Variants in USP15 observed in about 807,000 individuals in gnomAD.
USP15 encodes the protein ubiquitin carboxyl-terminal hydrolase 15.
A neutral mutation model predicts 127.1 loss-of-function variants in USP15; 18 were observed. The ratio of observed to expected loss-of-function variants is 0.14; its 90% CI spans 0.10 to 0.21. USP15 has a LOEUF of 0.21. Ranked by LOEUF, USP15 falls within the 10% of genes least tolerant of loss-of-function variation. The pLI, the probability that USP15 is intolerant of heterozygous loss-of-function variation, is 1.00. For synonymous variants in USP15, 364 were observed against 393.7 expected (o/e 0.92, Z 0.89); for missense variants, 805 against 1,159.9 (o/e 0.69, Z 4.44).
intron 1 of USP15, chr12:62,274,413 C>T (rs1298221820): frequency 3.0e-5 from 1 of 32,934 alleles, no homozygotes; most frequent in East Asian, 5.2e-4. Flanking sequence ...TACAAATCAG[C>T]AACAACAAAA....
In USP15 at chr12:62,409,524, C is replaced by T. The variant is rs1230086564; in HGVS notation, c.*5149C>T. ...TTGTATTGGTAATTTACTATGTTCT[C>T]CTGTAGAAAATCATAATTAAAGTTG... On this transcript the variant is annotated 3_prime_UTR_variant, in exon 22 of 22. Transcript: ENST00000280377. 1 of 152,070 alleles carries T rather than the reference C, an allele frequency of 6.6e-6. No individual in the cohort carries two copies. The allele number at this position is 152,070 out of a possible 1,614,324, so 9.4% of individuals were successfully genotyped here.
At chr12:62,401,902 A>C (rs2067701512) in intron 21 of USP15, among the ~76,000 whole-genome samples, 1 of 86,816 alleles carries the variant, frequency 1.2e-5, no homozygotes, top group Non-Finnish European at 2.3e-5. Flanking sequence ...AGATGCATAC[A>C]TATATATGTA....
intron 6 of USP15, among the ~76,000 whole-genome samples, chr12:62,342,787 G>A (rs911477667): frequency 1.3e-5 from 2 of 152,138 alleles, no homozygotes; most frequent in Non-Finnish European, 2.9e-5. Context: ...CGTCCCAGAG[G>A]GGCACTGGCC....
chr12:62,307,995 T>A (rs888658614), intron 3 of USP15, among the ~76,000 whole-genome samples: 1 of 152,142 alleles, frequency 6.6e-6, no homozygotes, highest in African/African-American at 2.4e-5. Context: ...TTATTAGCTA[T>A]TGTTAATCTC....
rs962049563 is a variant in USP15, at chr12:62,407,168, A to G, written c.*2793A>G. ...GACCAGGCACTATATTAAAGTGTTT[A>G]TATGCATTCTCTCATTTAATCCCAC... On this transcript the variant is annotated 3_prime_UTR_variant, in exon 22 of 22. Coordinates refer to ENST00000280377, the MANE Select transcript of USP15 (RefSeq NM_001252078.2). The G allele has an allele frequency of 6.6e-6, 1 of 152,188 alleles. No homozygotes were observed. The highest frequency in any genetic ancestry group is 2.1e-4 in the South Asian group (1 of 4,826). 9.4% of individuals were successfully genotyped at this position (152,188 alleles called of 1,614,324 possible).
At chr12:62,350,503 G>A (rs557516708) in intron 7 of USP15, among the ~76,000 whole-genome samples, 2 of 151,798 alleles carry the variant, frequency 1.3e-5, no homozygotes, top group Non-Finnish European at 2.9e-5. Context: ...AAAATAAATG[G>A]AAAAAAGAAC....
At position 62,408,295 on chromosome 12, in the gene USP15, A is replaced by T. The variant is rs541921136; in HGVS notation, c.*3920A>T. 8 of 149,362 alleles carry T rather than the reference A, an allele frequency of 5.4e-5. No individual in the cohort carries two copies. Among genetic ancestry groups the T allele is most frequent in the Non-Finnish European group, 1.2e-4 (8 of 66,784 alleles). 9.3% of individuals were successfully genotyped at this position (149,362 alleles called of 1,614,324 possible). A position where few individuals can be genotyped will look rare whatever the true frequency, so the allele number is the denominator to read the frequency against. ...TTTGTTATTTTTAAGTTACCTACAG[A>T]TAATGCATTTCATTATTGCCTACTT... On this transcript the variant is annotated 3_prime_UTR_variant, in exon 22 of 22. Coordinates refer to ENST00000280377, the MANE Select transcript of USP15 (RefSeq NM_001252078.2).
chr12:62,339,245 C>T (rs1013980556), intron 6 of USP15, among the ~76,000 whole-genome samples: 9 of 152,004 alleles, frequency 5.9e-5, no homozygotes, highest in Non-Finnish European at 1.0e-4. Context: ...GATTTTGTAT[C>T]CTGAGATTTT....
intron 8 of USP15, among the ~76,000 whole-genome samples, chr12:62,360,082 C>T (rs1444788798): frequency 1.3e-5 from 2 of 152,070 alleles, no homozygotes; most frequent in Non-Finnish European, 2.9e-5. Flanking sequence ...CTAGGAGGCT[C>T]ATGGTTAGTT....
intron 6 of USP15, among the ~76,000 whole-genome samples, chr12:62,342,894 G>T (rs1271398019): frequency 1.3e-5 from 2 of 152,174 alleles, no homozygotes; most frequent in East Asian, 3.9e-4. Context: ...CCCACTTGAG[G>T]AGGCAGCCTG....
At chr12:62,367,427 A>T (rs2066514841) in intron 8 of USP15, among the ~76,000 whole-genome samples, 1 of 151,988 alleles carries the variant, frequency 6.6e-6, no homozygotes, top group African/African-American at 2.4e-5. Context: ...ATGGGGTTTC[A>T]CCAGTTAGCC....
chr12:62,299,624 A>G (rs1002926725), intron 2 of USP15, among the ~76,000 whole-genome samples: 6 of 152,224 alleles, frequency 3.9e-5, no homozygotes, highest in Admixed American at 1.3e-4. Context: ...TGCTATGAAC[A>G]TTCATGTAAA....
At chr12:62,343,437 A>C (rs1013326474) in intron 6 of USP15, among the ~76,000 whole-genome samples, 1 of 152,188 alleles carries the variant, frequency 6.6e-6, no homozygotes, top group Non-Finnish European at 1.5e-5. Flanking sequence ...TCTCGCTGGC[A>C]TTCCAGGCAC....
chr12:62,265,632 A>C (rs2063174361), intron 1 of USP15, among the ~76,000 whole-genome samples: 1 of 152,126 alleles, frequency 6.6e-6, no homozygotes, highest in Admixed American at 6.5e-5. Context: ...CTGTAGCTTC[A>C]AACTCCTTGG....
chr12:62,309,968 A>G (rs1206164738), intron 3 of USP15, among the ~76,000 whole-genome samples: 1 of 151,990 alleles, frequency 6.6e-6, no homozygotes, highest in African/African-American at 2.4e-5. Flanking sequence ...GTATGGTAAT[A>G]TAGTAAAAAG....
In USP15 at chr12:62,390,934, A is replaced by G. The variant is rs1359524745; in HGVS notation, c.1915A>G (p.Ile639Val). The G allele has an allele frequency of 1.2e-6, 2 of 1,613,004 alleles. No individual in the cohort carries two copies. The highest frequency in any genetic ancestry group is 1.7e-6 in the Non-Finnish European group (2 of 1,179,390). Residue 639 changes from isoleucine to valine, a missense_variant, in exon 15 of 22, where the codon ATT becomes GTT. Ile to Val is a conservative substitution (Grantham distance 29). Transcript: ENST00000280377. ...GSLHCCKDQN[I>V]NGNGPNGIHE... ...CCTACACTGCTGTAAGGACCAAAATATTAATGGGAATGGCCCAAATGGCAT... is the reference window on the plus strand; with the variant it reads ...CCTACACTGCTGTAAGGACCAAAATGTTAATGGGAATGGCCCAAATGGCAT...
intron 9 of USP15, among the ~76,000 whole-genome samples, chr12:62,381,971 C>T (rs1467512201): frequency 1.3e-5 from 2 of 151,832 alleles, no homozygotes; most frequent in East Asian, 3.9e-4. Context: ...CAGCAATGAG[C>T]GTTTGTATAG....
At chr12:62,302,686 A>T in intron 2 of USP15, 104 bp from the exon 3 acceptor site, 1 of 1,327,534 alleles carries the variant, frequency 7.5e-7, no homozygotes, top group Non-Finnish European at 1.0e-6. Flanking sequence ...TTTAGAGCTT[A>T]AAACTTGTTT....
chr12:62,368,332 G>A (rs923328152), intron 8 of USP15, among the ~76,000 whole-genome samples: 20 of 152,068 alleles, frequency 1.3e-4, no homozygotes, highest in South Asian at 4.1e-4. Context: ...GGTCTGCTTC[G>A]TCCAGAGCTG....
Sources: allele counts gnomAD v4.1 joint callset (sites outside exome capture counted in the v4.1 genomes callset), GRCh38; gene constraint gnomAD v4.1.1; transcripts MANE v1.5; gene names NCBI Gene and HGNC (gene_info 2026-07-23, HGNC 2026-07-21).